The following ARHGAP8 variants were observed in gnomAD, a reference collection of about 807,000 sequenced individuals.
ARHGAP8 encodes the protein rho GTPase-activating protein 8.
A neutral mutation model predicts 46.1 loss-of-function variants in ARHGAP8; 62 were observed. The ratio of observed to expected loss-of-function variants is 1.34; its 90% CI spans 1.10 to 1.66. The LOEUF (loss-of-function observed/expected upper bound fraction) is 1.66. ARHGAP8 is among the 40% of genes most tolerant of loss of function. The pLI, the probability that ARHGAP8 is intolerant of heterozygous loss-of-function variation, is 0.00. For missense variants in ARHGAP8, 923 were observed against 568.4 expected (o/e 1.62, Z -6.34); for synonymous variants, 375 against 243.1 (o/e 1.54, Z -5.05).
intron 7 of ARHGAP8, among the ~76,000 whole-genome samples, chr22:44,844,904 C>G (rs1467224253): frequency 1.3e-5 from 2 of 152,168 alleles, no homozygotes; most frequent in Non-Finnish European, 2.9e-5. Flanking sequence ...CATCTCATAC[C>G]ACTGGGACTT....
intron 5 of ARHGAP8, among the ~76,000 whole-genome samples, chr22:44,819,627 C>T (rs1056064185): frequency 1.3e-5 from 2 of 152,128 alleles, no homozygotes; most frequent in East Asian, 1.9e-4. Context: ...GAGCCAAGAT[C>T]GCGCCATTGC....
chr22:44,790,676 CAAAAAAAA>C (rs369579126), intron 2 of ARHGAP8, among the ~76,000 whole-genome samples: 2 of 49,606 alleles, frequency 4.0e-5, no homozygotes, highest in Non-Finnish European at 7.3e-5. Context: ...AACTCTGTCT[CAAAAAAAA>C]AAAAAAAAAA....
At position 44,859,831 on chromosome 22, in the gene ARHGAP8, TGCGGTGAGTGGGGAA is replaced by T; in HGVS notation, c.980_981+13del. The T allele has an allele frequency of 1.2e-6, 2 of 1,613,462 alleles. No individual in the cohort carries two copies. Among genetic ancestry groups the T allele is most frequent in the South Asian group, 1.1e-5 (1 of 91,066 alleles). ...TCCGCTACCTCATGGGCTTCCTGCA[TGCGGTGAGTGGGGAA>T]GGGGGGAGCTTGGGGTGAAGCCCAG... is the stretch of plus-strand genomic sequence containing the variant. On this transcript the variant is annotated splice_donor_variant and splice_donor_5th_base_variant and coding_sequence_variant and intron_variant, in exon 11 of 12. Transcript: ENST00000356099. LOFTEE classifies it high-confidence loss of function.
At chr22:44,766,370 G>A (rs1925562732) in intron 1 of ARHGAP8, among the ~76,000 whole-genome samples, 1 of 152,110 alleles carries the variant, frequency 6.6e-6, no homozygotes, top group Non-Finnish European at 1.5e-5. Flanking sequence ...GCCCAGAACT[G>A]CAGGTGCGGA....
At chr22:44,803,777 C>A (rs1928744649) in intron 3 of ARHGAP8, among the ~76,000 whole-genome samples, 1 of 143,250 alleles carries the variant, frequency 7.0e-6, no homozygotes, top group Non-Finnish European at 1.5e-5. Context: ...ATGCACACAC[C>A]CCCTCCCAGG....
At chr22:44,799,264 C>T (rs1399239062) in intron 2 of ARHGAP8, among the ~76,000 whole-genome samples, 1 of 152,236 alleles carries the variant, frequency 6.6e-6, no homozygotes, top group Non-Finnish European at 1.5e-5. Context: ...TGTGGCCTCT[C>T]CCTGTACATT....
chr22:44,794,322 C>A (rs1033710224), intron 2 of ARHGAP8, among the ~76,000 whole-genome samples: 1 of 152,194 alleles, frequency 6.6e-6, no homozygotes, highest in Admixed American at 6.5e-5. Flanking sequence ...ACCAAAGAGG[C>A]GCCAGCCCAG....
At chr22:44,776,557 C>T (rs989619326) in intron 1 of ARHGAP8, among the ~76,000 whole-genome samples, 1 of 152,180 alleles carries the variant, frequency 6.6e-6, no homozygotes, top group Non-Finnish European at 1.5e-5. Flanking sequence ...TGAAGTGCCA[C>T]CTGCCTTGTT....
intron 6 of ARHGAP8, among the ~76,000 whole-genome samples, chr22:44,823,755 G>A (rs1930317256): frequency 6.6e-6 from 1 of 152,132 alleles, no homozygotes; most frequent in African/African-American, 2.4e-5. Context: ...GTGGGAGAGT[G>A]ATTTGGGGAT....
At chr22:44,799,977 G>C (rs1303498577) in intron 2 of ARHGAP8, among the ~76,000 whole-genome samples, 2 of 105,140 alleles carry the variant, frequency 1.9e-5, no homozygotes, top group African/African-American at 7.6e-5. Flanking sequence ...GGCCACTTGT[G>C]GGGTGGGGCA....
intron 2 of ARHGAP8, among the ~76,000 whole-genome samples, chr22:44,787,940 TCCCC>T (rs34697504): frequency 4.2e-4 from 50 of 118,120 alleles, no homozygotes; most frequent in Non-Finnish European, 6.4e-4. Flanking sequence ...TTTTTTTTTT[TCCCC>T]CCAAATGTCC....
chr22:44,815,971 C>T (rs1039400168), intron 5 of ARHGAP8, among the ~76,000 whole-genome samples: 8 of 152,084 alleles, frequency 5.3e-5, no homozygotes, highest in Non-Finnish European at 8.8e-5. Flanking sequence ...GTGCACCAGA[C>T]GGGTCAGGAT....
Position 44,801,478 on chromosome 22 carries a change from CCCGCAG to C in ARHGAP8, c.80-597_80-592del, listed in dbSNP as rs1244371992. Reference sequence around the variant, plus strand: ...CTGTCCGTGTGTGGGGGCACCTCTCCCCGCAGCTGTCTATGTGTGGGGGCACCTCTC... The same window carrying C: ...CTGTCCGTGTGTGGGGGCACCTCTCCCTGTCTATGTGTGGGGGCACCTCTC... On this transcript the variant is annotated intron_variant, in intron 2 of 11. Transcript: ENST00000356099. 1.3e-3 allele frequency among the ~76,000 whole-genome samples: 76 copies of C among 59,114 alleles called. 1 individual carries two copies. The highest frequency in any genetic ancestry group is 4.0e-3 in the African/African-American group (67 of 16,744). 38.8% of individuals were successfully genotyped at this position (59,114 alleles called of 152,430 possible).
chr22:44,834,127 T>C (rs1931135108), intron 7 of ARHGAP8, among the ~76,000 whole-genome samples: 1 of 152,138 alleles, frequency 6.6e-6, no homozygotes, highest in South Asian at 2.1e-4. Flanking sequence ...TTCTCTGTTA[T>C]TTTCCTATTT....
intron 7 of ARHGAP8, among the ~76,000 whole-genome samples, chr22:44,841,895 C>T (rs978910766): frequency 1.3e-5 from 2 of 152,192 alleles, no homozygotes; most frequent in East Asian, 1.9e-4. Flanking sequence ...ATGAAGGTGA[C>T]ACAGAGAGGA....
chr22:44,779,740 T>C (rs1378896341), intron 1 of ARHGAP8, among the ~76,000 whole-genome samples: 1 of 151,914 alleles, frequency 6.6e-6, no homozygotes, highest in Admixed American at 6.6e-5. Context: ...AGCTAATTTT[T>C]GTATTTTTAG....
In ARHGAP8 at chr22:44,808,377, A is replaced by T. The variant is rs141930874; in HGVS notation, c.238A>T (p.Asn80Tyr). Reference protein sequence around the residue: ...YTIVYFHYGLNSRNKPSLGWL... With the variant: ...YTIVYFHYGLYSRNKPSLGWL... ...CATCGTCTATTTCCACTACGGGCTGAACAGCCGGAACAAGCCTTCCCTGGG... is the reference window on the plus strand; with the variant it reads ...CATCGTCTATTTCCACTACGGGCTGTACAGCCGGAACAAGCCTTCCCTGGG... The change falls in exon 4 of 12, where the codon AAC becomes TAC. Residue 80 changes from asparagine to tyrosine, a missense_variant. Asn to Tyr is a moderately radical substitution (Grantham distance 143, BLOSUM62 -2). Coordinates refer to ENST00000356099, the MANE Select transcript of ARHGAP8 (RefSeq NM_181335.3). 7.7e-5 allele frequency: 125 copies of T among 1,614,268 alleles called. No homozygotes were observed. The African/African-American group carries it at 1.5e-3, about 20-fold the overall frequency.
intron 3 of ARHGAP8, among the ~76,000 whole-genome samples, chr22:44,807,272 C>T (rs1257511261): frequency 1.3e-5 from 2 of 152,176 alleles, no homozygotes; most frequent in Non-Finnish European, 2.9e-5. Context: ...GGGGGTCCTT[C>T]TGGAGCCCTT....
chr22:44,804,769 GC>G (rs1270181020), intron 3 of ARHGAP8, among the ~76,000 whole-genome samples: 1 of 152,168 alleles, frequency 6.6e-6, no homozygotes, highest in Non-Finnish European at 1.5e-5. Context: ...AAGACTTTGG[GC>G]TGGTTGCTTC....
Sources: allele counts gnomAD v4.1 joint callset (sites outside exome capture counted in the v4.1 genomes callset), GRCh38; gene constraint gnomAD v4.1.1; transcripts MANE v1.5; gene names NCBI Gene and HGNC (gene_info 2026-07-23, HGNC 2026-07-21).